The following HACE1 variants were observed in gnomAD, a reference collection of about 807,000 sequenced individuals.
HACE1 encodes E3 ubiquitin-protein ligase HACE1.
Under a neutral mutation model 118.4 loss-of-function variants are expected in HACE1, and 73 were observed. The ratio of observed to expected loss-of-function variants is 0.62; its 90% CI spans 0.51 to 0.75. HACE1 has a LOEUF of 0.75. Ranked by LOEUF, HACE1 falls within the 30% of genes least tolerant of loss-of-function variation. The probability of loss-of-function intolerance (pLI) is 0.00; values close to 1 mark genes in which losing one functional copy is unlikely to be tolerated. For synonymous variants in HACE1, 368 were observed against 374.8 expected (o/e 0.98, Z 0.21); for missense variants, 749 against 1,102.2 (o/e 0.68, Z 4.54).
rs140966573 is a variant in HACE1 at position 104,765,048 on chromosome 6, A to G, written c.2211+6145T>C. ...CTAGCAGTCTATGCAACAAAGTGTT[A>G]TATTTATTCTTCACTGATCTAATGT... On this transcript the variant is annotated intron_variant, in intron 19 of 23. Coordinates refer to ENST00000262903, the MANE Select transcript of HACE1 (RefSeq NM_020771.4). Among the ~76,000 whole-genome samples the G allele has an allele frequency of 6.1e-4, 93 of 152,344 alleles. 2 individuals are homozygous for G. The East Asian group carries it at 0.016, about 26-fold the overall frequency.
At position 104,849,250 on chromosome 6, in the gene HACE1, A is replaced by G. The variant is rs749964357; in HGVS notation, c.222-4T>C. The G allele has an allele frequency of 6.5e-7, 1 of 1,527,658 alleles. No individual in the cohort carries two copies. The highest frequency in any genetic ancestry group is 1.7e-5 in the Admixed American group (1 of 59,894). The allele number at this position is 1,527,658 out of a possible 1,614,324, so 94.6% of individuals were successfully genotyped here. ...CAAGCATTCCACCGATCCACAACTA[A>G]AACAATATTAAAAGACAGTTCAGAT... On this transcript the variant is annotated splice_region_variant and splice_polypyrimidine_tract_variant and intron_variant, in intron 3 of 23. Coordinates refer to ENST00000262903, the MANE Select transcript of HACE1 (RefSeq NM_020771.4).
At chr6:104,855,009 T>C (rs556608049) in intron 1 of HACE1, among the ~76,000 whole-genome samples, 5 of 152,328 alleles carry the variant, frequency 3.3e-5, no homozygotes, top group South Asian at 4.1e-4. Context: ...ACACTTTGCA[T>C]GTATCATTGC....
chr6:104,751,920 C>T (rs1778087851), intron 19 of HACE1, among the ~76,000 whole-genome samples: 1 of 143,604 alleles, frequency 7.0e-6, no homozygotes, highest in Non-Finnish European at 1.5e-5. Context: ...TAATCTGATG[C>T]TCTGTTCAAA....
At chr6:104,852,234 CGT>C (rs1554264931) in intron 2 of HACE1, 81 bp downstream of exon 2, 42 of 712,560 alleles carry the variant, frequency 5.9e-5, no homozygotes, top group African/African-American at 3.7e-4. Context: ...TGTGTGCGCG[CGT>C]GCGCGTGCAC....
At chr6:104,739,296 G>T (rs1004568614) in intron 22 of HACE1, among the ~76,000 whole-genome samples, 4 of 152,030 alleles carry the variant, frequency 2.6e-5, no homozygotes, top group Admixed American at 2.6e-4. Context: ...ATACTGACAG[G>T]ATCAAATTCA....
At chr6:104,816,334 G>A (rs1772114292) in intron 6 of HACE1, among the ~76,000 whole-genome samples, 2 of 152,202 alleles carry the variant, frequency 1.3e-5, no homozygotes, top group Admixed American at 1.3e-4. Context: ...CGGACCCAGG[G>A]CCCCACTGCT....
chr6:104,859,620 A>G lies in HACE1; in HGVS notation c.23T>C (p.Leu8Pro), dbSNP rs1286967893. 29 of 1,532,624 alleles carry G rather than the reference A, an allele frequency of 1.9e-5. No individual in the cohort carries two copies. Among genetic ancestry groups the G allele is most frequent in the Non-Finnish European group, 2.4e-5 (28 of 1,143,254 alleles). The allele number at this position is 1,532,624 out of a possible 1,614,324, so 94.9% of individuals were successfully genotyped here. A position where few individuals can be genotyped will look rare whatever the true frequency, so the allele number is the denominator to read the frequency against. The stretch of plus-strand genomic sequence containing the variant: ...GCGCAGCGAGCGCGTCAGGCGGTTG[A>G]GTTGCTCCATCGCTCTCTCCATCCT... MERAMEQLNRLTRSLRRA... is the reference protein window; with the variant it reads MERAMEQPNRLTRSLRRA... The change falls in exon 1 of 24, where the codon CTC (leucine) becomes CCC (proline). Residue 8 changes from leucine (L) to proline (P), a missense_variant. Coordinates refer to ENST00000262903, the MANE Select transcript of HACE1 (RefSeq NM_020771.4).
At chr6:104,730,619 A>G in intron 22 of HACE1, 1 of 557,042 alleles carries the variant, frequency 1.8e-6, no homozygotes, top group South Asian at 1.9e-5. Context: ...ACCCCTCCAC[A>G]TTTCCATAAG....
intron 19 of HACE1, among the ~76,000 whole-genome samples, chr6:104,761,446 G>A (rs982843243): frequency 2.6e-5 from 4 of 152,120 alleles, no homozygotes; most frequent in Admixed American, 2.6e-4. Flanking sequence ...AAGCAATAGG[G>A]AAAAGATTCC....
At chr6:104,837,592 T>C (rs1774670721) in intron 5 of HACE1, among the ~76,000 whole-genome samples, 1 of 152,172 alleles carries the variant, frequency 6.6e-6, no homozygotes, top group East Asian at 1.9e-4. Context: ...GGCAAAGAGT[T>C]CTTGATACCA....
chr6:104,783,226 A>G (rs1233449866), intron 14 of HACE1, among the ~76,000 whole-genome samples: 1 of 152,214 alleles, frequency 6.6e-6, no homozygotes, highest in Non-Finnish European at 1.5e-5. Flanking sequence ...AAGGTAACTT[A>G]AAATCTGCCT....
chr6:104,764,313 G>T (rs1329677306), intron 19 of HACE1, among the ~76,000 whole-genome samples: 1 of 152,084 alleles, frequency 6.6e-6, no homozygotes, highest in Non-Finnish European at 1.5e-5. Context: ...CCTGACCTCA[G>T]GTGATCCACT....
intron 20 of HACE1, among the ~76,000 whole-genome samples, chr6:104,747,589 A>G (rs1048514510): frequency 4.0e-5 from 6 of 151,888 alleles, no homozygotes; most frequent in African/African-American, 1.5e-4. Context: ...TCATGCCACC[A>G]AGCAGCAGAC....
Position 104,743,104 on chromosome 6 carries a change from T to C in HACE1, c.2513+1056A>G, listed in dbSNP as rs530958491. 1.3e-4 allele frequency among the ~76,000 whole-genome samples: 19 copies of C among 144,072 alleles called. 1 individual carries two copies. The highest frequency in any genetic ancestry group is 6.5e-4 in the South Asian group (3 of 4,592). 94.5% of individuals were successfully genotyped at this position (144,072 alleles called of 152,430 possible). A position where few individuals can be genotyped will look rare whatever the true frequency, so the allele number is the denominator to read the frequency against. On this transcript the variant is annotated intron_variant, in intron 22 of 23. Coordinates refer to ENST00000262903, the MANE Select transcript of HACE1 (RefSeq NM_020771.4). ...GCGTATTCTCATTCATAGGTGGGAA[T>C]TGAACAATGAGATCACATGGACACA...
Position 104,859,697 on chromosome 6 carries a change from G to T in HACE1, c.-55C>A, listed in dbSNP as rs898512195. ...ATCAGCCGCCCCACCGGCGGCCTCC[G>T]CGCCCAGAGCCCTACATCTCGCCTG... On this transcript the variant is annotated 5_prime_UTR_variant, in exon 1 of 24. Transcript: ENST00000262903. 35 of 1,450,636 alleles carry T rather than the reference G, an allele frequency of 2.4e-5. 1 individual carries two copies. In the South Asian group the frequency reaches 4.2e-4, roughly 17 times the overall value. 89.9% of individuals were successfully genotyped at this position (1,450,636 alleles called of 1,614,324 possible). A position where few individuals can be genotyped will look rare whatever the true frequency, so the allele number is the denominator to read the frequency against.
At chr6:104,794,320 T>A (rs1033235887) in intron 10 of HACE1, among the ~76,000 whole-genome samples, 4 of 152,162 alleles carry the variant, frequency 2.6e-5, no homozygotes, top group Admixed American at 2.0e-4. Flanking sequence ...ATATGACAAA[T>A]ATTTAAGAAG....
intron 10 of HACE1, 35 bp from the exon 11 acceptor site, chr6:104,791,689 A>T (rs762302937): frequency 7.3e-7 from 1 of 1,360,930 alleles, no homozygotes; most frequent in South Asian, 1.2e-5. Flanking sequence ...GATTAGAGTA[A>T]AACAAATTAC....
Position 104,771,952 on chromosome 6 carries a change from T to G in HACE1, c.1987A>C (p.Thr663Pro). Residue 663 changes from threonine to proline, a missense_variant, in exon 18 of 24, where the codon ACA becomes CCA. Coordinates refer to ENST00000262903, the MANE Select transcript of HACE1 (RefSeq NM_020771.4). ...NHRQLVNIYF[T>P]RSFYKHILGI... ...AGAATGTGCTTGTAGAAGGATCGTG[T>G]GAAGTAAATATTGACCAGCTGCCTG... The G allele has an allele frequency of 6.2e-7, 1 of 1,607,352 alleles. No individual in the cohort carries two copies. The highest frequency in any genetic ancestry group is 8.5e-7 in the Non-Finnish European group (1 of 1,174,102).
chr6:104,769,856 C>T (rs1780425662), intron 19 of HACE1, among the ~76,000 whole-genome samples: 1 of 151,924 alleles, frequency 6.6e-6, no homozygotes, highest in African/African-American at 2.4e-5. Context: ...TTTTTTTGTA[C>T]ACTATAGTAT....
Sources: allele counts gnomAD v4.1 joint callset (sites outside exome capture counted in the v4.1 genomes callset), GRCh38; gene constraint gnomAD v4.1.1; transcripts MANE v1.5; gene names NCBI Gene and HGNC (gene_info 2026-07-23, HGNC 2026-07-21).